The following C8orf34 variants were observed in gnomAD, a reference collection of about 807,000 sequenced individuals.
The protein encoded by C8orf34 is chromosome 8 open reading frame 34.
A neutral mutation model predicts 68.3 loss-of-function variants in C8orf34; 65 were observed. The ratio of observed to expected loss-of-function variants is 0.95; its 90% confidence interval spans 0.78 to 1.17. The LOEUF (loss-of-function observed/expected upper bound fraction) is 1.17, where lower values mean the gene tolerates loss of function less well. C8orf34 is among the 50% of genes most tolerant of loss of function. The pLI is 0.00. For missense variants in C8orf34, 664 were observed against 655.4 expected (o/e 1.01, Z -0.14); for synonymous variants, 244 against 241.2 (o/e 1.01, Z -0.11).
At chr8:68,767,693 G>T (rs891980469) in intron 10 of C8orf34, among the ~76,000 whole-genome samples, 7 of 152,230 alleles carry the variant, frequency 4.6e-5, no homozygotes, top group African/African-American at 9.6e-5. Flanking sequence ...GAGTGCAAGG[G>T]CACAATCATA....
At chr8:68,625,281 T>G (rs1486660514) in intron 7 of C8orf34, among the ~76,000 whole-genome samples, 1 of 152,130 alleles carries the variant, frequency 6.6e-6, no homozygotes, top group Non-Finnish European at 1.5e-5. Flanking sequence ...AAGGAATATA[T>G]TATGTAGCTA....
chr8:68,359,129 G>T (rs528625238), intron 1 of C8orf34, among the ~76,000 whole-genome samples: 1 of 152,272 alleles, frequency 6.6e-6, no homozygotes, highest in South Asian at 2.1e-4. Context: ...TAAAAATGTG[G>T]AAAGACAGAG....
In C8orf34 at chr8:68,735,367, CTATT is replaced by C; in HGVS notation, c.1404+13932_1404+13935del. Among the ~76,000 whole-genome samples, 3 of 152,298 alleles carry C rather than the reference CTATT, an allele frequency of 2.0e-5. No individual in the cohort carries two copies. In the South Asian group the frequency reaches 6.2e-4, roughly 32 times the overall value. ...CTGTTCTGAAATTTCAATGTTTATC[CTATT>C]TTCTTATGGAGCATTAACGATAACA... is the stretch of plus-strand genomic sequence containing the variant. On this transcript the variant is annotated intron_variant, in intron 10 of 13. Coordinates refer to ENST00000518698, the MANE Select transcript of C8orf34 (RefSeq NM_052958.4).
intron 1 of C8orf34, among the ~76,000 whole-genome samples, chr8:68,419,342 G>A (rs1394207618): frequency 1.3e-5 from 2 of 148,494 alleles, no homozygotes; most frequent in Non-Finnish European, 3.0e-5. Flanking sequence ...GTGCTGGAGA[G>A]GATGTGGAGA....
intron 3 of C8orf34, among the ~76,000 whole-genome samples, chr8:68,450,120 C>A (rs1811284874): frequency 6.6e-6 from 1 of 152,088 alleles, no homozygotes; most frequent in Non-Finnish European, 1.5e-5. Flanking sequence ...AGAGTAGATT[C>A]TATTTGAAGA....
In C8orf34 at chr8:68,677,103, G is replaced by A. The variant is rs186432907; in HGVS notation, c.1242-31891G>A. ...TATATCAGATTTCATGGAATAAAACGGGAAATCAATAACAAGACGAATTTT... is the reference window on the plus strand; with the variant it reads ...TATATCAGATTTCATGGAATAAAACAGGAAATCAATAACAAGACGAATTTT... On this transcript the variant is annotated intron_variant, in intron 8 of 13. Transcript: ENST00000518698. Among the ~76,000 whole-genome samples the A allele has an allele frequency of 1.9e-3, 286 of 152,024 alleles. 1 individual carries two copies. Among genetic ancestry groups the A allele is most frequent in the African/African-American group, 6.6e-3 (275 of 41,520 alleles).
chr8:68,475,036 G>A lies in C8orf34; in HGVS notation c.736+6216G>A, dbSNP rs566049140. The stretch of plus-strand genomic sequence containing the variant: ...AGAGAAAGTGCTCCAGGATCTGGCC[G>A]TTTATTGGGTCTCCAGTACCATTGC... On this transcript the variant is annotated intron_variant, in intron 4 of 13. Transcript: ENST00000518698. Among the ~76,000 whole-genome samples the A allele has an allele frequency of 2.1e-4, 32 of 152,252 alleles. 1 individual carries two copies. The East Asian group carries it at 4.7e-3, about 22-fold the overall frequency.
rs1818616919 is a variant in C8orf34 at position 68,629,076 on chromosome 8, A to G, written c.1106-11300A>G. Among the ~76,000 whole-genome samples, 3 of 152,108 alleles carry G rather than the reference A, an allele frequency of 2.0e-5. No individual in the cohort carries two copies. The South Asian group carries it at 6.2e-4, about 31-fold the overall frequency. On this transcript the variant is annotated intron_variant, in intron 7 of 13. Coordinates refer to ENST00000518698, the MANE Select transcript of C8orf34 (RefSeq NM_052958.4). ...CTCTCTTCTTTATAAGTTCTTAAAT[A>G]TAACATTCATATAATGCACACATTT...
chr8:68,505,214 A>T (rs1213816165), intron 5 of C8orf34, among the ~76,000 whole-genome samples: 1 of 152,170 alleles, frequency 6.6e-6, no homozygotes, highest in Non-Finnish European at 1.5e-5. Flanking sequence ...TGTCTTTGAA[A>T]TTATAGCCAT....
At chr8:68,413,901 C>G (rs1809550513) in intron 1 of C8orf34, among the ~76,000 whole-genome samples, 1 of 152,208 alleles carries the variant, frequency 6.6e-6, no homozygotes, top group South Asian at 2.1e-4. Flanking sequence ...TTTAAAGCAA[C>G]AATTGGACTC....
At chr8:68,725,515 T>C (rs986767354) in intron 10 of C8orf34, among the ~76,000 whole-genome samples, 2 of 152,236 alleles carry the variant, frequency 1.3e-5, no homozygotes, top group African/African-American at 4.8e-5. Flanking sequence ...TACATAAAAT[T>C]GACTAGGATG....
chr8:68,465,715 A>G (rs1387742689), intron 3 of C8orf34, among the ~76,000 whole-genome samples: 1 of 146,812 alleles, frequency 6.8e-6, no homozygotes, highest in African/African-American at 2.5e-5. Context: ...AAAACCAAAC[A>G]CCGCATGTTC....
intron 7 of C8orf34, among the ~76,000 whole-genome samples, chr8:68,616,526 T>C (rs1273012052): frequency 6.6e-6 from 1 of 152,236 alleles, no homozygotes; most frequent in Non-Finnish European, 1.5e-5. Flanking sequence ...CATCTTTATT[T>C]CTGCCTTCAT....
chr8:68,717,492 CA>C (rs10555331), intron 9 of C8orf34, among the ~76,000 whole-genome samples: 37,367 of 114,744 alleles, frequency 0.33, 4,963 homozygotes, highest in East Asian at 0.56. Flanking sequence ...GACTCTGTCT[CA>C]AAAAAAAAAA....
At chr8:68,475,283 C>T (rs1812559317) in intron 4 of C8orf34, among the ~76,000 whole-genome samples, 1 of 152,238 alleles carries the variant, frequency 6.6e-6, no homozygotes, top group Admixed American at 6.5e-5. Context: ...CATCCCCTCT[C>T]TTTGTGCTTC....
chr8:68,685,517 A>G (rs1040360214), intron 8 of C8orf34, among the ~76,000 whole-genome samples: 3 of 152,094 alleles, frequency 2.0e-5, no homozygotes, highest in Non-Finnish European at 2.9e-5. Context: ...ATACTCAAAC[A>G]ATTTCCAAGT....
intron 1 of C8orf34, among the ~76,000 whole-genome samples, chr8:68,383,880 A>G (rs11993131): frequency 4.6e-5 from 7 of 152,208 alleles, no homozygotes; most frequent in African/African-American, 1.7e-4. Flanking sequence ...TGTTTGTATC[A>G]TTAAGCAGTC....
intron 4 of C8orf34, among the ~76,000 whole-genome samples, chr8:68,484,444 A>C (rs1812990876): frequency 6.6e-6 from 1 of 152,202 alleles, no homozygotes; most frequent in Non-Finnish European, 1.5e-5. Flanking sequence ...CATGTGTTCC[A>C]GTGCTCATTA....
intron 7 of C8orf34, among the ~76,000 whole-genome samples, chr8:68,617,380 C>T (rs1211060543): frequency 4.6e-5 from 7 of 152,152 alleles, no homozygotes; most frequent in East Asian, 1.9e-4. Context: ...TTCCTAGCCT[C>T]GATGGTCTTT....
Sources: allele counts gnomAD v4.1 joint callset (sites outside exome capture counted in the v4.1 genomes callset), GRCh38; gene constraint gnomAD v4.1.1; transcripts MANE v1.5; gene names NCBI Gene and HGNC (gene_info 2026-07-23, HGNC 2026-07-21).